ANK3: variants seen among roughly 807,000 people sequenced by gnomAD.
ANK3 encodes ankyrin 3, also known as ankyrin-3.
ANK3 carries 57 observed loss-of-function variants against 370.9 expected under a neutral mutation model. That is an observed-to-expected ratio of 0.15 (90% CI 0.12 to 0.19). The LOEUF is 0.19. Among genes scored for constraint, ANK3 ranks in the 10% least tolerant of loss-of-function variants. The pLI is 1.00. For synonymous variants in ANK3, 1,929 were observed against 1,946.3 expected, an observed-to-expected ratio of 0.99 and a Z score of 0.23; for missense variants, 4,439 against 5,302.1, an observed-to-expected ratio of 0.84 and a Z score of 5.06.
At position 60,076,116 on chromosome 10, in the gene ANK3, G is replaced by A. The variant is rs2083743851; in HGVS notation, c.4765C>T (p.Pro1589Ser). ...CCAGAGGAAACTTGGATATTGTATGGAGATTGTGACACCACAGTTTTTATC... is the reference window on the plus strand; with the variant it reads ...CCAGAGGAAACTTGGATATTGTATGAAGATTGTGACACCACAGTTTTTATC... ...SPIKTVVSQSPYNIQVSSGTL... is the reference protein window; with the variant it reads ...SPIKTVVSQSSYNIQVSSGTL... The change falls in exon 37 of 44, where the codon CCA becomes TCA. Residue 1589 changes from proline (P) to serine (S), a missense_variant. By Grantham distance (74) the Pro-to-Ser change is moderately conservative. Transcript: ENST00000280772. 5 of 1,614,186 alleles carry A rather than the reference G, an allele frequency of 3.1e-6. No individual in the cohort carries two copies. The East Asian group carries it at 1.1e-4, about 36-fold the overall frequency.
chr10:60,249,055 T>C (rs1410151133), intron 7 of ANK3, among the ~76,000 whole-genome samples: 1 of 152,238 alleles, frequency 6.6e-6, no homozygotes, highest in African/African-American at 2.4e-5. Flanking sequence ...TTTTTCTTTA[T>C]ATTTCTTTAA....
intron 1 of ANK3, among the ~76,000 whole-genome samples, chr10:60,645,183 AC>A (rs1422912507): frequency 6.6e-6 from 1 of 152,118 alleles, no homozygotes; most frequent in East Asian, 1.9e-4. Flanking sequence ...CTCTTTTGTC[AC>A]CCAATTTATT....
At chr10:60,667,232 TTGAAG>T in intron 1 of ANK3, among the ~76,000 whole-genome samples, 1 of 122,648 alleles carries the variant, frequency 8.2e-6, no homozygotes, top group African/African-American at 3.3e-5. Flanking sequence ...TTATATTGAA[TTGAAG>T]AAAAGTGTAA....
intron 22 of ANK3, 22 bp from the exon 23 acceptor site, chr10:60,166,675 T>A: frequency 6.2e-7 from 1 of 1,611,780 alleles, no homozygotes; most frequent in Non-Finnish European, 8.5e-7. Context: ...AAGTGAACAA[T>A]ATAAGTGGAT....
At chr10:60,721,820 G>T (rs2079867577) in intron 1 of ANK3, among the ~76,000 whole-genome samples, 1 of 152,152 alleles carries the variant, frequency 6.6e-6, no homozygotes, top group African/African-American at 2.4e-5. Flanking sequence ...TGGAGGTTCT[G>T]CAAAATAGCA....
At chr10:60,371,265 G>T (rs755131438) in intron 1 of ANK3, among the ~76,000 whole-genome samples, 1 of 151,986 alleles carries the variant, frequency 6.6e-6, no homozygotes, top group Non-Finnish European at 1.5e-5. Context: ...ATGAAAAAAC[G>T]CTCCACATCA....
rs1318010221 is a variant in ANK3, at chr10:60,070,102, G to T, written c.10779C>A (p.Thr3593=). 1.2e-6 allele frequency: 2 copies of T among 1,614,126 alleles called. No homozygotes were observed. Among genetic ancestry groups the T allele is most frequent in the Non-Finnish European group, 8.5e-7 (1 of 1,179,994 alleles). The change falls in exon 37 of 44, where the codon ACC becomes ACA. Residue 3593 remains threonine (T), a synonymous_variant. Transcript: ENST00000280772. The surrounding 1 kb of genome is among the most constrained non-coding windows in gnomAD (Gnocchi z 5.7). ...TPARTPTDES[T]PTSEPNPFPF... is the part of the protein sequence containing the mutation. Reference sequence around the variant, plus strand: ...GGAAGGGGTTAGGCTCACTAGTTGGGGTACTTTCATCAGTTGGCGTTCTGG... The same window carrying T: ...GGAAGGGGTTAGGCTCACTAGTTGGTGTACTTTCATCAGTTGGCGTTCTGG...
chr10:60,332,580 G>A (rs1221406397), intron 1 of ANK3, among the ~76,000 whole-genome samples: 1 of 152,214 alleles, frequency 6.6e-6, no homozygotes, highest in Non-Finnish European at 1.5e-5. Context: ...GAAGGGAATG[G>A]CAAGGCTGCT....
At chr10:60,316,808 C>G (rs542303250) in intron 1 of ANK3, among the ~76,000 whole-genome samples, 55 of 150,660 alleles carry the variant, frequency 3.7e-4, no homozygotes, top group African/African-American at 1.3e-3. Context: ...AGTGCAGTGG[C>G]ACGATCTCGG....
chr10:60,333,968 G>T (rs2052126651), intron 1 of ANK3, among the ~76,000 whole-genome samples: 1 of 152,004 alleles, frequency 6.6e-6, no homozygotes, highest in South Asian at 2.1e-4. Flanking sequence ...TCCATCAGTT[G>T]TCCACTAATG....
In ANK3 at chr10:60,648,430, A is replaced by G. The variant is rs568456949; in HGVS notation, c.58-33206T>C. Among the ~76,000 whole-genome samples, 286 of 136,384 alleles carry G rather than the reference A, an allele frequency of 2.1e-3. 1 individual carries two copies. The highest frequency in any genetic ancestry group is 7.3e-3 in the African/African-American group (271 of 37,112). 89.5% of individuals were successfully genotyped at this position (136,384 alleles called of 152,430 possible). A position where few individuals can be genotyped will look rare whatever the true frequency, so the allele number is the denominator to read the frequency against. On this transcript the variant is annotated intron_variant, in intron 1 of 43. Coordinates refer to the ANK3 transcript ENST00000373827. Reference sequence around the variant, plus strand: ...CCTCTCGGCCTCCCAAAGTGCTGGGATTACAGGCGTGAGCCACCGCACCTG... The same window carrying G: ...CCTCTCGGCCTCCCAAAGTGCTGGGGTTACAGGCGTGAGCCACCGCACCTG...
At chr10:60,466,966 T>G (rs1312247160) in intron 2 of ANK3, among the ~76,000 whole-genome samples, 1 of 152,086 alleles carries the variant, frequency 6.6e-6, no homozygotes, top group Non-Finnish European at 1.5e-5. Context: ...GTGTTCTTTT[T>G]GGGGGATGAA....
At chr10:60,599,511 A>G (rs1461614874) in intron 2 of ANK3, among the ~76,000 whole-genome samples, 1 of 152,080 alleles carries the variant, frequency 6.6e-6, no homozygotes, top group Admixed American at 6.6e-5. Context: ...TTTTCTATTG[A>G]TTCCTTTCTG....
intron 1 of ANK3, among the ~76,000 whole-genome samples, chr10:60,702,265 CAAA>C (rs5785462): frequency 1.2e-4 from 15 of 128,888 alleles, no homozygotes; most frequent in Non-Finnish European, 1.0e-4. Context: ...GACCCTGTCT[CAAA>C]AAAAAAAAAA....
chr10:60,379,581 TG>T (rs1232501002), intron 1 of ANK3, among the ~76,000 whole-genome samples: 2 of 152,096 alleles, frequency 1.3e-5, no homozygotes, highest in Non-Finnish European at 2.9e-5. Context: ...TGGGCAGAAA[TG>T]GGGGACTTCA....
At chr10:60,647,394 A>G (rs969264193) in intron 1 of ANK3, among the ~76,000 whole-genome samples, 3 of 152,200 alleles carry the variant, frequency 2.0e-5, no homozygotes, top group African/African-American at 7.2e-5. Context: ...TTTCATGTAC[A>G]ACGCCATGCT....
chr10:60,111,662 C>T (rs1290603814), intron 26 of ANK3: 4 of 444,632 alleles, frequency 9.0e-6, no homozygotes, highest in Admixed American at 4.9e-5. Flanking sequence ...TTGACACGAT[C>T]TAACTATGGC....
intron 1 of ANK3, among the ~76,000 whole-genome samples, chr10:60,706,565 G>A (rs1205670460): frequency 6.6e-6 from 1 of 152,050 alleles, no homozygotes; most frequent in Non-Finnish European, 1.5e-5. Flanking sequence ...CCCCTCTCAG[G>A]TGTATACTTC....
chr10:60,696,654 C>T (rs2079456790), intron 1 of ANK3, among the ~76,000 whole-genome samples: 1 of 148,352 alleles, frequency 6.7e-6, no homozygotes, highest in Admixed American at 6.6e-5. Flanking sequence ...ACAAAAACCA[C>T]ATGATTATCT....
Sources: allele counts gnomAD v4.1 joint callset (sites outside exome capture counted in the v4.1 genomes callset), GRCh38; gene constraint gnomAD v4.1.1; non-coding constraint Gnocchi (gnomAD v3.1); transcripts MANE v1.5; gene names NCBI Gene and HGNC (gene_info 2026-07-23, HGNC 2026-07-21).